STIM1: variants seen among roughly 807,000 people sequenced by gnomAD.
STIM1 encodes the protein stromal interaction molecule 1.
Under a neutral mutation model 74.7 loss-of-function variants are expected in STIM1, and 25 were observed. The ratio of observed to expected loss-of-function variants is 0.33; its 90% CI spans 0.24 to 0.47. The LOEUF (loss-of-function observed/expected upper bound fraction) is 0.47, where lower values mean the gene tolerates loss of function less well. Ranked by LOEUF, STIM1 falls within the 20% of genes least tolerant of loss-of-function variation. The pLI is 1.00. For synonymous variants in STIM1, 328 were observed against 348.8 expected, an observed-to-expected ratio of 0.94 and a Z score of 0.66; for missense variants, 728 against 920.8, an observed-to-expected ratio of 0.79 and a Z score of 2.71.
intron 1 of STIM1, among the ~76,000 whole-genome samples, chr11:3,880,631 A>G (rs2091465341): frequency 6.6e-6 from 1 of 152,190 alleles, no homozygotes; most frequent in South Asian, 2.1e-4. Flanking sequence ...TTTGTTAAAT[A>G]CTTCCCTACT....
chr11:4,091,019 CCTGT>C (rs1026916055), intron 12 of STIM1, among the ~76,000 whole-genome samples: 3 of 151,900 alleles, frequency 2.0e-5, no homozygotes, highest in Admixed American at 6.6e-5. Context: ...CTCTCCTTTT[CCTGT>C]CTCTTTTCCA....
chr11:4,004,802 T>C (rs2093760175), intron 2 of STIM1, among the ~76,000 whole-genome samples: 2 of 152,032 alleles, frequency 1.3e-5, no homozygotes, highest in African/African-American at 2.4e-5. Flanking sequence ...AACAGGCAAC[T>C]GACAAAATGG....
intron 1 of STIM1, among the ~76,000 whole-genome samples, chr11:3,861,648 C>T (rs2090616084): frequency 6.6e-6 from 1 of 152,132 alleles, no homozygotes; most frequent in Non-Finnish European, 1.5e-5. Flanking sequence ...GACAAAATCA[C>T]AGTTATTGCT....
At chr11:3,965,799 A>G (rs2093334545) in intron 1 of STIM1, among the ~76,000 whole-genome samples, 1 of 152,032 alleles carries the variant, frequency 6.6e-6, no homozygotes, top group Admixed American at 6.5e-5. Context: ...TGAGGTCAGG[A>G]CTTCGAGACT....
chr11:3,861,296 C>T (rs1024519528), intron 1 of STIM1, among the ~76,000 whole-genome samples: 130 of 151,330 alleles, frequency 8.6e-4, no homozygotes, highest in Admixed American at 4.5e-3. Flanking sequence ...TGCAGTGGCC[C>T]GATCTCAGCT....
At chr11:4,008,623 A>G (rs956485748) in intron 2 of STIM1, among the ~76,000 whole-genome samples, 1 of 152,210 alleles carries the variant, frequency 6.6e-6, no homozygotes, top group African/African-American at 2.4e-5. Context: ...AGTTTATGCT[A>G]GCAGCTCAGG....
At chr11:3,914,100 A>C (rs1156577481) in intron 1 of STIM1, among the ~76,000 whole-genome samples, 1 of 152,056 alleles carries the variant, frequency 6.6e-6, no homozygotes, top group Non-Finnish European at 1.5e-5. Context: ...CCAAACAGAA[A>C]CTTTGTACTT....
At chr11:3,954,263 A>T (rs2093184725) in intron 1 of STIM1, among the ~76,000 whole-genome samples, 1 of 152,040 alleles carries the variant, frequency 6.6e-6, no homozygotes, top group African/African-American at 2.4e-5. Context: ...TACTGTGCTC[A>T]TTCTCCTAGT....
upstream of STIM1, chr11:3,854,636 C>G (rs1037717851): frequency 6.6e-6 from 1 of 152,260 alleles, no homozygotes; most frequent in African/African-American, 2.4e-5. Flanking sequence ...AAGTCGCTGA[C>G]ACCTCCTCCA....
At chr11:4,054,462 A>G (rs2094271838) in intron 3 of STIM1, among the ~76,000 whole-genome samples, 1 of 152,160 alleles carries the variant, frequency 6.6e-6, no homozygotes, top group African/African-American at 2.4e-5. Context: ...GCTGCACAGC[A>G]GGAGATGAGT....
chr11:3,975,597 A>G (rs1044335446), intron 2 of STIM1, among the ~76,000 whole-genome samples: 4 of 152,188 alleles, frequency 2.6e-5, no homozygotes, highest in Non-Finnish European at 4.4e-5. Flanking sequence ...CAGATTGGGC[A>G]ACAAAGTGAG....
At chr11:4,010,552 A>G (rs1267539465) in intron 2 of STIM1, among the ~76,000 whole-genome samples, 2 of 152,180 alleles carry the variant, frequency 1.3e-5, no homozygotes, top group Admixed American at 1.3e-4. Flanking sequence ...AAGGCAATTT[A>G]TGACTTCTGC....
intron 1 of STIM1, among the ~76,000 whole-genome samples, chr11:3,923,309 T>C (rs1014807159): frequency 2.0e-5 from 3 of 152,028 alleles, no homozygotes; most frequent in African/African-American, 4.8e-5. Context: ...ACACCATTTA[T>C]TGAAAAGATC....
At chr11:4,039,637 T>TC (rs1164537463) in intron 3 of STIM1, among the ~76,000 whole-genome samples, 1 of 151,754 alleles carries the variant, frequency 6.6e-6, no homozygotes, top group East Asian at 1.9e-4. Flanking sequence ...GATTTTTTTT[T>TC]CATGTTTATC....
chr11:3,873,664 G>C (rs948416509), intron 1 of STIM1, among the ~76,000 whole-genome samples: 8 of 152,120 alleles, frequency 5.3e-5, no homozygotes, highest in African/African-American at 1.9e-4. Flanking sequence ...GGAGTGAGGG[G>C]TGGAGCCTGG....
At chr11:3,914,991 G>C (rs997014190) in intron 1 of STIM1, among the ~76,000 whole-genome samples, 1 of 151,718 alleles carries the variant, frequency 6.6e-6, no homozygotes, top group African/African-American at 2.4e-5. Context: ...GTTGTGGTTT[G>C]ATTTGTGTTT....
At chr11:3,950,332 C>T (rs2093130783) in intron 1 of STIM1, among the ~76,000 whole-genome samples, 1 of 152,074 alleles carries the variant, frequency 6.6e-6, no homozygotes. Flanking sequence ...CGGGGTTTCA[C>T]CATGTTGGTC....
intron 5 of STIM1, 138 bp downstream of exon 5, chr11:4,059,534 G>C (rs895365117): frequency 2.9e-6 from 2 of 679,224 alleles, no homozygotes; most frequent in African/African-American, 3.6e-5. Context: ...TGGTATTAAG[G>C]TATGAAAGAG....
intron 12 of STIM1, chr11:4,089,066 T>G: frequency 3.6e-6 from 1 of 279,738 alleles, no homozygotes; most frequent in Admixed American, 4.1e-5. Context: ...ACCCTGTCTC[T>G]ACAAAAAAAA....
Sources: gnomAD v4.1 joint callset for allele counts (sites outside exome capture counted in the v4.1 genomes callset) on GRCh38, gnomAD v4.1.1 for gene constraint, MANE v1.5 for transcripts, NCBI Gene and HGNC (gene_info 2026-07-23, HGNC 2026-07-21) for gene names.